Variants in PTK7 observed in about 807,000 individuals in gnomAD.
The protein encoded by PTK7 is inactive tyrosine-protein kinase 7.
Under a neutral mutation model 116.6 loss-of-function variants are expected in PTK7, and 39 were observed. That is an observed-to-expected ratio of 0.33 (90% CI 0.26 to 0.44). The LOEUF is 0.44. Ranked by LOEUF, PTK7 falls within the 20% of genes least tolerant of loss-of-function variation. The pLI, the probability that PTK7 is intolerant of heterozygous loss-of-function variation, is 1.00. For missense variants in PTK7, 1,169 were observed against 1,425.6 expected (o/e 0.82, Z 2.90); for synonymous variants, 546 against 563.6 (o/e 0.97, Z 0.44).
In PTK7 at chr6:43,130,414, A is replaced by G. The variant is rs1769591387; in HGVS notation, c.655A>G (p.Ile219Val). The change falls in exon 4 of 20, where the codon ATT (isoleucine) becomes GTT (valine). Residue 219 changes from isoleucine to valine, a missense_variant. By Grantham distance (29) the Ile-to-Val change is conservative. Transcript: ENST00000230419. ...ACSSQNFTLS[I>V]ADESFARVVL... ...CAGCAGCCAGAACTTCACCTTGAGC[A>G]TTGCTGGTGAGCCTGGGGTGGGGGC... 1 of 1,605,372 alleles carries G rather than the reference A, an allele frequency of 6.2e-7. No individual in the cohort carries two copies. Among genetic ancestry groups the G allele is most frequent in the African/African-American group, 1.3e-5 (1 of 74,774 alleles).
At chr6:43,111,880 C>G (rs1311122555) in intron 1 of PTK7, among the ~76,000 whole-genome samples, 1 of 148,212 alleles carries the variant, frequency 6.7e-6, no homozygotes, top group Non-Finnish European at 1.5e-5. Flanking sequence ...TGAGGTCTTA[C>G]TGTGTTGCCC....
chr6:43,159,077 C>A, intron 18 of PTK7, 109 bp downstream of exon 18: 2 of 1,401,280 alleles, frequency 1.4e-6, no homozygotes, highest in Non-Finnish European at 1.9e-6. Flanking sequence ...CTGCTTAGTC[C>A]AAAGCTGGAG....
Position 43,129,554 on chromosome 6 carries a change from G to A in PTK7, c.368-173G>A. The stretch of plus-strand genomic sequence containing the variant: ...GTCAGACTTGACCTGCCAGGGACCA[G>A]GCAGGCACTTAGTATCTGGTAACTG... On this transcript the variant is annotated intron_variant, in intron 2 of 19. Transcript: ENST00000230419. The surrounding 1 kb of genome is among the most constrained non-coding windows in gnomAD (Gnocchi z 4.5). 1.5e-6 allele frequency: 1 copy of A among 684,288 alleles called. No individual in the cohort carries two copies. Among genetic ancestry groups the A allele is most frequent in the Non-Finnish European group, 2.4e-6 (1 of 410,010 alleles). 42.4% of individuals were successfully genotyped at this position (684,288 alleles called of 1,614,324 possible).
chr6:43,080,948 A>G (rs1239715679), intron 1 of PTK7, among the ~76,000 whole-genome samples: 1 of 129,486 alleles, frequency 7.7e-6, no homozygotes, highest in Admixed American at 7.4e-5. Flanking sequence ...TCTCAAAAAA[A>G]AAAAATACAC....
Position 43,129,489 on chromosome 6 carries a change from C to A in PTK7, c.367+225C>A. ...CTGGGACCCATTTATCTGCTGCATG[C>A]TTGTGCAAATGGAAAGGGCGGCCGA... On this transcript the variant is annotated intron_variant, in intron 2 of 19. Coordinates refer to ENST00000230419, the MANE Select transcript of PTK7 (RefSeq NM_002821.5). The surrounding 1 kb of genome is among the most constrained non-coding windows in gnomAD (Gnocchi z 4.5). 1.3e-6 allele frequency: 1 copy of A among 744,236 alleles called. No individual in the cohort carries two copies. The highest frequency in any genetic ancestry group is 2.1e-6 in the Non-Finnish European group (1 of 468,508). 46.1% of individuals were successfully genotyped at this position (744,236 alleles called of 1,614,324 possible).
rs1582193387 is a variant in PTK7 at position 43,143,719 on chromosome 6, G to A, written c.2251+99G>A. The A allele has an allele frequency of 2.3e-6, 3 of 1,300,420 alleles. No individual in the cohort carries two copies. Among genetic ancestry groups the A allele is most frequent in the South Asian group, 2.8e-5 (2 of 72,322 alleles). 80.6% of individuals were successfully genotyped at this position (1,300,420 alleles called of 1,614,324 possible). A position where few individuals can be genotyped will look rare whatever the true frequency, so the allele number is the denominator to read the frequency against. ...AGCGCCAGCACTCTGGAAACCGAGC[G>A]GCTGTTGCTGGGTCCTGGAGCTGGG... On this transcript the variant is annotated intron_variant, in intron 14 of 19. Coordinates refer to ENST00000230419, the MANE Select transcript of PTK7 (RefSeq NM_002821.5). This position sits in a 1 kb window ranked among gnomAD's most constrained non-coding sequence, Gnocchi z 4.2.
At chr6:43,105,252 C>T (rs1767811023) in intron 1 of PTK7, among the ~76,000 whole-genome samples, 1 of 150,188 alleles carries the variant, frequency 6.7e-6, no homozygotes, top group South Asian at 2.1e-4. Flanking sequence ...GCATAGATGC[C>T]TGTACAGAGA....
intron 1 of PTK7, among the ~76,000 whole-genome samples, chr6:43,116,444 C>G (rs1322810065): frequency 6.6e-6 from 1 of 152,204 alleles, no homozygotes; most frequent in East Asian, 1.9e-4. Context: ...TCCTCACATT[C>G]CCCACTCTTG....
chr6:43,076,902 G>A lies in PTK7; in HGVS notation c.79+335G>A, dbSNP rs139636574. On this transcript the variant is annotated intron_variant, in intron 1 of 19. Coordinates refer to ENST00000230419, the MANE Select transcript of PTK7 (RefSeq NM_002821.5). The surrounding 1 kb of genome is among the most constrained non-coding windows in gnomAD (Gnocchi z 5.7). The stretch of plus-strand genomic sequence containing the variant: ...GGCCCAGATGGGGAGTTTCTTGTCG[G>A]GGGAGAAAAGACCATCCGCACCCAC... 15,194 of 1,511,964 alleles carry A rather than the reference G, an allele frequency of 0.01. 89 individuals are homozygous for A. Among genetic ancestry groups the A allele is most frequent in the Non-Finnish European group, 0.012 (13,055 of 1,130,336 alleles). 93.7% of individuals were successfully genotyped at this position (1,511,964 alleles called of 1,614,324 possible).
intron 1 of PTK7, among the ~76,000 whole-genome samples, chr6:43,114,615 G>A (rs1222918199): frequency 2.0e-5 from 3 of 151,938 alleles, no homozygotes; most frequent in African/African-American, 7.3e-5. Flanking sequence ...ATAAACTTGA[G>A]GTTTTTTGTC....
chr6:43,118,620 C>CCTCT (rs1170818291), intron 1 of PTK7, among the ~76,000 whole-genome samples: 866 of 63,146 alleles, frequency 0.014, 2 homozygotes, highest in Middle Eastern at 0.023. Flanking sequence ...AATATTTTAA[C>CCTCT]CTCTCTCTCT....
At position 43,143,255 on chromosome 6, in the gene PTK7, G is replaced by A. The variant is rs1248821793; in HGVS notation, c.2048-162G>A. 1.6e-6 allele frequency: 1 copy of A among 644,844 alleles called. No individual in the cohort carries two copies. The highest frequency in any genetic ancestry group is 2.7e-6 in the Non-Finnish European group (1 of 376,748). The allele number at this position is 644,844 out of a possible 1,614,324, so 39.9% of individuals were successfully genotyped here. ...TCAGAGTCTTCGTTTGACCTTGGTG[G>A]GGCATGAGGACCTGCTGGCCCTTGT... On this transcript the variant is annotated intron_variant, in intron 13 of 19. Coordinates refer to ENST00000230419, the MANE Select transcript of PTK7 (RefSeq NM_002821.5). This position sits in a 1 kb window ranked among gnomAD's most constrained non-coding sequence, Gnocchi z 4.2.
intron 1 of PTK7, among the ~76,000 whole-genome samples, chr6:43,115,927 C>CAAAAA (rs886959744): frequency 3.7e-5 from 1 of 27,324 alleles, no homozygotes; most frequent in Non-Finnish European, 7.4e-5. Context: ...GACTCCATCT[C>CAAAAA]AAAAAAAAAA....
At chr6:43,098,165 A>G (rs942794328) in intron 1 of PTK7, among the ~76,000 whole-genome samples, 2 of 150,700 alleles carry the variant, frequency 1.3e-5, no homozygotes, top group South Asian at 4.2e-4. Context: ...TGAGCCCCCA[A>G]CTCCTCCTCA....
At chr6:43,096,475 C>T (rs1017072041) in intron 1 of PTK7, among the ~76,000 whole-genome samples, 1 of 152,046 alleles carries the variant, frequency 6.6e-6, no homozygotes, top group African/African-American at 2.4e-5. Flanking sequence ...GGGTGGTGAC[C>T]GGACAAGCCT....
At chr6:43,081,550 G>A (rs1455751861) in intron 1 of PTK7, among the ~76,000 whole-genome samples, 2 of 152,124 alleles carry the variant, frequency 1.3e-5, no homozygotes, top group South Asian at 2.1e-4. Flanking sequence ...GTTTACAGGT[G>A]TGTGCCACTG....
At chr6:43,146,573 A>T (rs1411069371) in intron 16 of PTK7, 45 bp from the exon 17 acceptor site, 1 of 1,564,014 alleles carries the variant, frequency 6.4e-7, no homozygotes. Context: ...TTTACAGCCA[A>T]TGGCTGTGCA....
Position 43,129,061 on chromosome 6 carries a change from T to C in PTK7, c.164T>C (p.Val55Ala), listed in dbSNP as rs771238012. ...CGCCGGGCGCTGCTTCGCTGTGAGG[T>C]TGAGGCTCCGGGCCCGGTACATGTG... ...QGRRALLRCE[V>A]EAPGPVHVYW... The change falls in exon 2 of 20, where the codon GTT (valine) becomes GCT (alanine). Residue 55 changes from valine to alanine, a missense_variant. Coordinates refer to ENST00000230419, the MANE Select transcript of PTK7 (RefSeq NM_002821.5). The surrounding 1 kb of genome is among the most constrained non-coding windows in gnomAD (Gnocchi z 4.5). The C allele has an allele frequency of 1.2e-6, 2 of 1,614,172 alleles. No homozygotes were observed. The highest frequency in any genetic ancestry group is 1.7e-6 in the Non-Finnish European group (2 of 1,180,016).
At position 43,143,530 on chromosome 6, in the gene PTK7, G is replaced by A. The variant is rs1770545715; in HGVS notation, c.2161G>A (p.Gly721Ser). ...AAVAYIIAVL[G>S]LMFYCKKRCK... ...TGTGGCCTACATCATTGCCGTGCTG[G>A]GCCTCATGTTCTACTGCAAGAAGCG... is the stretch of plus-strand genomic sequence containing the variant. The change falls in exon 14 of 20, where the codon GGC becomes AGC. Residue 721 changes from glycine (G) to serine (S), a missense_variant. This residue lies in a region of PTK7 where 678 missense variants were observed against 853.8 expected (regional missense o/e 0.79). Coordinates refer to ENST00000230419, the MANE Select transcript of PTK7 (RefSeq NM_002821.5). The surrounding 1 kb of genome is among the most constrained non-coding windows in gnomAD (Gnocchi z 4.2). 6.2e-7 allele frequency: 1 copy of A among 1,613,994 alleles called. No homozygotes were observed. The highest frequency in any genetic ancestry group is 1.7e-5 in the Admixed American group (1 of 60,010).
Sources: allele counts gnomAD v4.1 joint callset (sites outside exome capture counted in the v4.1 genomes callset), GRCh38; gene constraint gnomAD v4.1.1; regional missense constraint gnomAD v4.1.1; non-coding constraint Gnocchi (gnomAD v3.1); transcripts MANE v1.5; gene names NCBI Gene and HGNC (gene_info 2026-07-23, HGNC 2026-07-21).